Variants in HR observed in about 807,000 individuals in gnomAD.
HR encodes HR lysine demethylase and nuclear receptor corepressor, also known as lysine-specific demethylase hairless.
In HR, 83 loss-of-function variants were observed where a neutral mutation model predicts 128.6. The observed-to-expected ratio is 0.65, with a 90% CI of 0.54 to 0.77. The LOEUF is 0.77. Ranked by LOEUF, HR falls within the 30% of genes least tolerant of loss-of-function variation. HR has a pLI of 0.00. For missense variants in HR, 1,490 were observed against 1,574.6 expected (o/e 0.95, Z 0.91); for synonymous variants, 681 against 658.2 (o/e 1.03, Z -0.53).
Position 22,127,354 on chromosome 8 carries a change from T to C in HR, c.1088A>G (p.Asn363Ser), listed in dbSNP as rs1335077310. Residue 363 changes from asparagine to serine, a missense_variant, in exon 3 of 19, where the codon AAC (asparagine) becomes AGC (serine). Asn to Ser is a conservative substitution (Grantham distance 46). Around this residue, in one of 3 missense-constraint regions of HR, gnomAD observed 1,060 missense variants for 1,060.9 expected, o/e 1.00. Coordinates refer to ENST00000381418, the MANE Select transcript of HR (RefSeq NM_005144.5). ...SGASEPSEEV[N>S]KASGPRACPP... ...ACAGGCCCTGGGGCCAGAGGCCTTG[T>C]TCACTTCCTCGCTGGGTTCGCTGGC... The C allele has an allele frequency of 2.5e-6, 4 of 1,613,374 alleles. No individual in the cohort carries two copies. The highest frequency in any genetic ancestry group is 2.2e-5 in the East Asian group (1 of 44,858).
Position 22,127,779 on chromosome 8 carries a change from C to G in HR, c.663G>C (p.Leu221Phe). ...PSIPRLAKEP[L>F]AAAEPGLFGL... ...CAAACAACCCAGGTTCCGCAGCTGCCAAGGGCTCCTTTGCCAACCTGGGAA... is the reference window on the plus strand; with the variant it reads ...CAAACAACCCAGGTTCCGCAGCTGCGAAGGGCTCCTTTGCCAACCTGGGAA... Residue 221 changes from leucine (L) to phenylalanine (F), a missense_variant, in exon 3 of 19, where the codon TTG becomes TTC. By Grantham distance (22) the Leu-to-Phe change is conservative. This residue lies in a region of HR where 1,060 missense variants were observed against 1,060.9 expected (regional missense o/e 1.00). Transcript: ENST00000381418. 6.3e-7 allele frequency: 1 copy of G among 1,599,818 alleles called. No homozygotes were observed.
Position 22,123,784 on chromosome 8 carries a change from G to T in HR, c.1780C>A (p.Pro594Thr). Reference sequence around the variant, plus strand: ...CGGCTGCAGCAGCGTGGAATGCCTGGGCTGTCCTCTGTCACGGCTGGCCCT... The same window carrying T: ...CGGCTGCAGCAGCGTGGAATGCCTGTGCTGTCCTCTGTCACGGCTGGCCCT... ...GQGPAVTEDS[P>T]GIPRCCSRCH... Residue 594 changes from proline to threonine, a missense_variant, in exon 6 of 19, where the codon CCA (proline) becomes ACA (threonine). Pro to Thr is a conservative substitution (Grantham distance 38, BLOSUM62 -1). This residue lies in a region of HR where 1,060 missense variants were observed against 1,060.9 expected (regional missense o/e 1.00). Coordinates refer to ENST00000381418, the MANE Select transcript of HR (RefSeq NM_005144.5). 1 of 1,604,172 alleles carries T rather than the reference G, an allele frequency of 6.2e-7. No homozygotes were observed.
Position 22,116,299 on chromosome 8 carries a change from C to T in HR, c.3507+1G>A. 1 of 1,612,050 alleles carries T rather than the reference C, an allele frequency of 6.2e-7. No homozygotes were observed. Among genetic ancestry groups the T allele is most frequent in the Non-Finnish European group, 8.5e-7 (1 of 1,179,780 alleles). On this transcript the variant is annotated splice_donor_variant, in intron 18 of 18. Transcript: ENST00000381418. LOFTEE classifies it high-confidence loss of function. This position sits in a 1 kb window ranked among gnomAD's most constrained non-coding sequence, Gnocchi z 4.2. ...AGCCTGCTGGCCCACATCCCACTCA[C>T]CTGGGCATAAAGCAGGTGGCAGTCA...
Position 22,115,474 on chromosome 8 carries a change from G to C in HR, c.*226C>G, listed in dbSNP as rs1213150865. ...CCTGGTACCATGAAAAGGGGCACAG[G>C]GTGGGGGAGATGCCAGCCTGAGAAG... is the stretch of plus-strand genomic sequence containing the variant. On this transcript the variant is annotated 3_prime_UTR_variant, in exon 19 of 19. Coordinates refer to ENST00000381418, the MANE Select transcript of HR (RefSeq NM_005144.5). 3 of 623,562 alleles carry C rather than the reference G, an allele frequency of 4.8e-6. No individual in the cohort carries two copies. Among genetic ancestry groups the C allele is most frequent in the Admixed American group, 2.3e-5 (1 of 42,624 alleles). 38.6% of individuals were successfully genotyped at this position (623,562 alleles called of 1,614,324 possible).
chr8:22,125,698 C>T lies in HR; in HGVS notation c.1440G>A (p.Pro480=), dbSNP rs761705307. The change falls in exon 4 of 19, where the codon CCG becomes CCA. Residue 480 remains proline (P), a synonymous_variant. Coordinates refer to ENST00000381418, the MANE Select transcript of HR (RefSeq NM_005144.5). ...CCAGGCATGGTATGTCCTGAAGTCC[C>T]GGGTCCTGGAGACTGGCCTGGCCAT... ...PQDGQASLQD[P]GLQDIPCLAL... The T allele has an allele frequency of 3.8e-5, 62 of 1,613,806 alleles. No individual in the cohort carries two copies. The highest frequency in any genetic ancestry group is 3.3e-4 in the Middle Eastern group (2 of 6,032).
chr8:22,123,407 G>A (rs1047501610), intron 6 of HR, among the ~76,000 whole-genome samples: 85 of 152,250 alleles, frequency 5.6e-4, no homozygotes, highest in Non-Finnish European at 2.1e-4. Flanking sequence ...GCTGAACAGA[G>A]TGGGAGACAC....
At chr8:22,125,881 T>C in intron 3 of HR, 149 bp from the exon 4 acceptor site, 2 of 913,394 alleles carry the variant, frequency 2.2e-6, no homozygotes, top group African/African-American at 3.3e-5. Flanking sequence ...CCAGCAAGAG[T>C]GGACCAGGCA....
rs114871775 is a variant in HR at position 22,120,756 on chromosome 8, C to T, written c.2570G>A (p.Arg857His). 2.9e-3 allele frequency: 4,356 copies of T among 1,515,494 alleles called. 79 individuals are homozygous for T. In the African/African-American group the frequency reaches 0.048, roughly 17 times the overall value. The allele number at this position is 1,515,494 out of a possible 1,614,324, so 93.9% of individuals were successfully genotyped here. The stretch of plus-strand genomic sequence containing the variant: ...GTGCTCCTGGAAGAGGTGGAAGCCA[C>T]GCCGAGGGCAAGGCTGGGGCTCCTG... ...WLQEPQPCPR[R>H]GFHLFQEHWR... Residue 857 changes from arginine (R) to histidine (H), a missense_variant, in exon 11 of 19, where the codon CGT (arginine) becomes CAT (histidine). Physicochemically the swap from Arg to His is conservative, Grantham distance 29. Around this residue, in one of 3 missense-constraint regions of HR, gnomAD observed 423 missense variants for 495.9 expected, o/e 0.85. Coordinates refer to ENST00000381418, the MANE Select transcript of HR (RefSeq NM_005144.5).
rs1356520920 is a variant in HR, at chr8:22,125,656, C to A, written c.1482G>T (p.Leu494=). 2.5e-6 allele frequency: 4 copies of A among 1,613,242 alleles called. No homozygotes were observed. The highest frequency in any genetic ancestry group is 3.4e-6 in the Non-Finnish European group (4 of 1,179,830). The change falls in exon 4 of 19, where the codon CTG becomes CTT. Residue 494 remains leucine (L), a synonymous_variant. Transcript: ENST00000381418. ...DIPCLALPAK[L]AQCQSCAQAA... ...CCTGGGCACAACTTTGGCATTGAGC[C>A]AGTTTTGCAGGGAGAGCCAGGCATG...
chr8:22,120,312 C>G, intron 12 of HR, 30 bp downstream of exon 12: 1 of 1,613,652 alleles, frequency 6.2e-7, no homozygotes, highest in Admixed American at 1.7e-5. Context: ...GGGCTCCCAG[C>G]TCCCTCTCCC....
rs751738208 is a variant in HR, at chr8:22,121,363, T to G, written c.2204-135A>C. The G allele has an allele frequency of 1.9e-4, 230 of 1,216,990 alleles. 3 individuals carry two copies. The South Asian group carries it at 3.0e-3, about 16-fold the overall frequency. 75.4% of individuals were successfully genotyped at this position (1,216,990 alleles called of 1,614,324 possible). A position where few individuals can be genotyped will look rare whatever the true frequency, so the allele number is the denominator to read the frequency against. ...CCCAGCCAGCATCCCCCACCTCAGC[T>G]CTGCTCTGGGTCTCCCCGCTCTACT... On this transcript the variant is annotated intron_variant, in intron 9 of 18. Coordinates refer to ENST00000381418, the MANE Select transcript of HR (RefSeq NM_005144.5).
intron 6 of HR, 99 bp downstream of exon 6, chr8:22,123,550 G>A: frequency 2.5e-6 from 3 of 1,208,124 alleles, no homozygotes; most frequent in Non-Finnish European, 3.5e-6. Flanking sequence ...CAGTGGGTAG[G>A]GGGCTTTTTG....
At chr8:22,125,538 C>A (rs763848322) in intron 4 of HR, 34 bp from the exon 5 acceptor site, 2 of 1,612,850 alleles carry the variant, frequency 1.2e-6, no homozygotes, top group East Asian at 2.2e-5. Context: ...GAGCAGGGAG[C>A]CCTGGCGAGG....
rs1563615284 is a variant in HR, at chr8:22,116,407, C to T, written c.3400G>A (p.Val1134Ile). Residue 1134 changes from valine (V) to isoleucine (I), a missense_variant, in exon 18 of 19, where the codon GTC (valine) becomes ATC (isoleucine). Transcript: ENST00000381418. This position sits in a 1 kb window ranked among gnomAD's most constrained non-coding sequence, Gnocchi z 4.2. ...PHQVQGLVST[V>I]SVTQHFLSPE... ...GAGAGGAAGTGCTGAGTGACGCTGA[C>T]TGTGCTCACCAGGCCCTGCACCTGT... 1.2e-6 allele frequency: 2 copies of T among 1,613,796 alleles called. No homozygotes were observed. The highest frequency in any genetic ancestry group is 4.5e-5 in the East Asian group (2 of 44,872).
chr8:22,128,056 TA>T (rs1826947144), intron 2 of HR: 3 of 621,988 alleles, frequency 4.8e-6, no homozygotes, highest in Non-Finnish European at 8.6e-6. Flanking sequence ...GTCTAAGAAC[TA>T]AAGAGTGAAT....
At position 22,128,613 on chromosome 8, in the gene HR, C is replaced by G. The variant is rs746154352; in HGVS notation, c.558G>C (p.Trp186Cys). 3.7e-5 allele frequency: 59 copies of G among 1,606,820 alleles called. No homozygotes were observed. The highest frequency in any genetic ancestry group is 5.0e-5 in the Non-Finnish European group (59 of 1,177,624). ...CTTTGGGCTGGCCCCCGGAGTATAC[C>G]CAGGGGTGCGGGGTCAGGGGCCAGT... ...PCDWPLTPHP[W>C]VYSGGQPKVP... Residue 186 changes from tryptophan to cysteine, a missense_variant, in exon 2 of 19, where the codon TGG becomes TGC. Coordinates refer to ENST00000381418, the MANE Select transcript of HR (RefSeq NM_005144.5).
rs199807649 is a variant in HR, at chr8:22,125,607, C to A, written c.1531G>T (p.Ala511Ser). 6.3e-7 allele frequency: 1 copy of A among 1,578,746 alleles called. No individual in the cohort carries two copies. Among genetic ancestry groups the A allele is most frequent in the Non-Finnish European group, 8.6e-7 (1 of 1,166,808 alleles). ...CTCCGCACTTGCTGAGAGTGGCAGGCGTGCCCTCCTCCCTCTCCAGCTGCC... is the reference window on the plus strand; with the variant it reads ...CTCCGCACTTGCTGAGAGTGGCAGGAGTGCCCTCCTCCCTCTCCAGCTGCC... ...AQAAGEGGGH[A>S]CHSQQVRRSP... Residue 511 changes from alanine (A) to serine (S), a missense_variant, in exon 4 of 19, where the codon GCC (alanine) becomes TCC (serine). By Grantham distance (99) the Ala-to-Ser change is moderately conservative. Transcript: ENST00000381418.
At chr8:22,125,809 C>T (rs1485831355) in intron 3 of HR, 77 bp from the exon 4 acceptor site, 30 of 1,514,006 alleles carry the variant, frequency 2.0e-5, no homozygotes, top group East Asian at 1.9e-4. Context: ...TTAGCGCCCA[C>T]CCCATCCACA....
In HR at chr8:22,123,546, G is replaced by A. The variant is rs563322603; in HGVS notation, c.1915+103C>T. ...GGCTGAGGCTGGGGCTGTGCAGTGGGTAGGGGGCTTTTTGGGGAGAGGCAG... is the reference window on the plus strand; with the variant it reads ...GGCTGAGGCTGGGGCTGTGCAGTGGATAGGGGGCTTTTTGGGGAGAGGCAG... On this transcript the variant is annotated intron_variant, in intron 6 of 18. Coordinates refer to ENST00000381418, the MANE Select transcript of HR (RefSeq NM_005144.5). The A allele has an allele frequency of 2.0e-4, 227 of 1,161,380 alleles. 1 individual carries two copies. The South Asian group carries it at 3.1e-3, about 16-fold the overall frequency. The allele number at this position is 1,161,380 out of a possible 1,614,324, so 71.9% of individuals were successfully genotyped here.
Sources: allele counts gnomAD v4.1 joint callset (sites outside exome capture counted in the v4.1 genomes callset), GRCh38; gene constraint gnomAD v4.1.1; regional missense constraint gnomAD v4.1.1; non-coding constraint Gnocchi (gnomAD v3.1); transcripts MANE v1.5; gene names NCBI Gene and HGNC (gene_info 2026-07-23, HGNC 2026-07-21).